The following STIL variants were observed in gnomAD, a reference collection of about 807,000 sequenced individuals.
The protein encoded by STIL is STIL centriolar assembly protein.
Under a neutral mutation model 110.1 loss-of-function variants are expected in STIL, and 55 were observed. The ratio of observed to expected loss-of-function variants is 0.50; its 90% CI spans 0.40 to 0.63. STIL has a LOEUF of 0.63. STIL is among the 20% of genes least tolerant of loss of function. The pLI, the probability that STIL is intolerant of heterozygous loss-of-function variation, is 0.00. For synonymous variants in STIL, 481 were observed against 530.0 expected (o/e 0.91, Z 1.27); for missense variants, 1,358 against 1,530.0 (o/e 0.89, Z 1.87).
chr1:47,310,594 C>T (rs914528166), intron 1 of STIL, among the ~76,000 whole-genome samples: 1 of 152,152 alleles, frequency 6.6e-6, no homozygotes, highest in Non-Finnish European at 1.5e-5. Flanking sequence ...ACCAATATAT[C>T]TATCCCTTAA....
intron 5 of STIL, 118 bp from the exon 6 acceptor site, chr1:47,300,270 A>G (rs1645765449): frequency 2.0e-6 from 2 of 1,020,042 alleles, no homozygotes; most frequent in Admixed American, 2.8e-5. Context: ...AAATTAAATG[A>G]GTTCTGATTT....
Position 47,282,443 on chromosome 1 carries a change from A to G in STIL, c.1150T>C (p.Ser384Pro). The G allele has an allele frequency of 1.2e-6, 2 of 1,611,886 alleles. No homozygotes were observed. The highest frequency in any genetic ancestry group is 1.1e-5 in the South Asian group (1 of 91,052). ...TCATGTATTGGCATCTTCCCAGAAGATAACTTTTGGGAAGACCTAAAGAAT... is the reference window on the plus strand; with the variant it reads ...TCATGTATTGGCATCTTCCCAGAAGGTAACTTTTGGGAAGACCTAAAGAAT... Reference protein sequence around the residue: ...FSIKRSSQKLSSGKMPIHDHD... With the variant: ...FSIKRSSQKLPSGKMPIHDHD... Residue 384 changes from serine to proline, a missense_variant, in exon 11 of 17, where the codon TCT becomes CCT. By Grantham distance (74) the Ser-to-Pro change is moderately conservative. Coordinates refer to ENST00000371877, the MANE Select transcript of STIL (RefSeq NM_001048166.1).
intron 1 of STIL, among the ~76,000 whole-genome samples, chr1:47,311,275 CTT>C (rs60248293): frequency 6.9e-6 from 1 of 144,050 alleles, no homozygotes; most frequent in Non-Finnish European, 1.5e-5. Context: ...ATTTTCTTTT[CTT>C]TTTTTCTTTT....
Position 47,269,713 on chromosome 1 carries a change from T to A in STIL, c.2537A>T (p.Lys846Ile), listed in dbSNP as rs1390213213. 1.9e-6 allele frequency: 3 copies of A among 1,614,072 alleles called. No homozygotes were observed. The African/African-American group carries it at 4.0e-5, about 22-fold the overall frequency. ...TSLPGSASSL[K>I]AVDIPSFEES... ...TTCAAAACTGGGAATATCAACTGCT[T>A]TTAATGAAGATGCACTACCTGGAAG... The change falls in exon 14 of 17, where the codon AAA becomes ATA. Residue 846 changes from lysine (K) to isoleucine (I), a missense_variant. Coordinates refer to ENST00000371877, the MANE Select transcript of STIL (RefSeq NM_001048166.1).
In STIL at chr1:47,262,892, C is replaced by T. The variant is rs776762917; in HGVS notation, c.2829+11G>A. The T allele has an allele frequency of 4.3e-6, 7 of 1,612,952 alleles. 1 individual carries two copies. The South Asian group carries it at 6.6e-5, about 15-fold the overall frequency. On this transcript the variant is annotated intron_variant, in intron 15 of 16. Coordinates refer to ENST00000371877, the MANE Select transcript of STIL (RefSeq NM_001048166.1). The stretch of plus-strand genomic sequence containing the variant: ...CTTCTCAAAAAGATGAAATGCTCTA[C>T]ATTTTCTTACCAATAAATCCTGGTA...
intron 13 of STIL, among the ~76,000 whole-genome samples, chr1:47,270,526 G>C (rs1312198725): frequency 1.3e-5 from 2 of 151,558 alleles, no homozygotes; most frequent in Non-Finnish European, 2.9e-5. Flanking sequence ...AATAATATGA[G>C]ATAATATATA....
At chr1:47,284,282 C>G (rs1184084283) in intron 10 of STIL, among the ~76,000 whole-genome samples, 1 of 152,140 alleles carries the variant, frequency 6.6e-6, no homozygotes, top group African/African-American at 2.4e-5. Flanking sequence ...TTAGGAGAGA[C>G]AAACATTTTG....
At chr1:47,278,940 G>A (rs2148951875) in intron 12 of STIL, among the ~76,000 whole-genome samples, 1 of 151,696 alleles carries the variant, frequency 6.6e-6, no homozygotes, top group South Asian at 2.1e-4. Flanking sequence ...AAATGTCATT[G>A]TCTTTTTTCT....
chr1:47,256,892 G>A (rs940653658), intron 16 of STIL, among the ~76,000 whole-genome samples: 9 of 151,448 alleles, frequency 5.9e-5, no homozygotes, highest in African/African-American at 2.2e-4. Context: ...TACTCAGGAA[G>A]GCTGAGGCAG....
intron 16 of STIL, among the ~76,000 whole-genome samples, chr1:47,258,703 T>A (rs911507576): frequency 1.3e-5 from 2 of 151,978 alleles, no homozygotes; most frequent in Non-Finnish European, 2.9e-5. Context: ...CAAGACACCA[T>A]CTCTGCAAAA....
chr1:47,301,837 T>C, intron 4 of STIL, 89 bp from the exon 5 acceptor site: 1 of 1,212,126 alleles, frequency 8.2e-7, no homozygotes, highest in Non-Finnish European at 1.2e-6. Context: ...CAAAGCACTT[T>C]GTTCATACCA....
At chr1:47,256,262 G>A (rs568834378) in intron 16 of STIL, among the ~76,000 whole-genome samples, 4 of 152,126 alleles carry the variant, frequency 2.6e-5, no homozygotes, top group Non-Finnish European at 5.9e-5. Context: ...GAGGAATGTC[G>A]TTCATTCAGC....
intron 13 of STIL, among the ~76,000 whole-genome samples, chr1:47,271,714 G>A (rs1456863416): frequency 1.3e-5 from 2 of 151,958 alleles, no homozygotes; most frequent in Non-Finnish European, 2.9e-5. Flanking sequence ...GCTGAGACAG[G>A]AGGATTGCTT....
chr1:47,269,547 GC>G (rs1644757317), intron 14 of STIL, 87 bp downstream of exon 14: 9 of 917,572 alleles, frequency 9.8e-6, no homozygotes, highest in Non-Finnish European at 1.6e-5. Context: ...TAAACATTGT[GC>G]CCCACAAATA....
At chr1:47,309,800 T>C (rs746243271) in intron 2 of STIL, among the ~76,000 whole-genome samples, 6 of 152,166 alleles carry the variant, frequency 3.9e-5, no homozygotes, top group Non-Finnish European at 8.8e-5. Flanking sequence ...GGAAACTTGG[T>C]ATACCTAATG....
At chr1:47,272,025 G>A in intron 13 of STIL, 51 bp downstream of exon 13, 1 of 1,589,224 alleles carries the variant, frequency 6.3e-7, no homozygotes. Context: ...AACCAGATAT[G>A]AAAAGCATTT....
At chr1:47,273,877 T>G (rs1168487895) in intron 12 of STIL, among the ~76,000 whole-genome samples, 1 of 152,170 alleles carries the variant, frequency 6.6e-6, no homozygotes, top group Non-Finnish European at 1.5e-5. Flanking sequence ...ACTGCGCTAA[T>G]AGTATAAAAT....
chr1:47,266,657 T>C (rs766242407), intron 14 of STIL, among the ~76,000 whole-genome samples: 22 of 152,380 alleles, frequency 1.4e-4, no homozygotes, highest in Middle Eastern at 3.4e-3. Context: ...CATTTTTCTT[T>C]TACCTTCAAA....
intron 16 of STIL, among the ~76,000 whole-genome samples, chr1:47,258,991 G>GTTTTTTTTTTTTTTTT (rs1557704421): frequency 1.4e-4 from 5 of 36,230 alleles, no homozygotes; most frequent in African/African-American, 7.0e-4. Flanking sequence ...AAGTAACTTT[G>GTTTTTTTTTTTTTTTT]CTTTTTTTTT....
Sources: gnomAD v4.1 joint callset for allele counts (sites outside exome capture counted in the v4.1 genomes callset) on GRCh38, gnomAD v4.1.1 for gene constraint, MANE v1.5 for transcripts, NCBI Gene and HGNC (gene_info 2026-07-23, HGNC 2026-07-21) for gene names.